MOB3B: variants seen among roughly 807,000 people sequenced by gnomAD.
MOB3B encodes MOB kinase activator 3B.
A neutral mutation model predicts 18.7 loss-of-function variants in MOB3B; 7 were observed. That is an observed-to-expected ratio of 0.37 (90% CI 0.21 to 0.70). The LOEUF (loss-of-function observed/expected upper bound fraction) is 0.70. MOB3B is among the 30% of genes least tolerant of loss of function. MOB3B has a pLI of 0.52. For missense variants in MOB3B, 253 were observed against 281.3 expected, an observed-to-expected ratio of 0.90 and a Z score of 0.72; for synonymous variants, 111 against 99.9, an observed-to-expected ratio of 1.11 and a Z score of -0.66.
intron 2 of MOB3B, among the ~76,000 whole-genome samples, chr9:27,424,048 C>A (rs971787665): frequency 9.9e-5 from 15 of 152,224 alleles, no homozygotes; most frequent in African/African-American, 3.1e-4. Context: ...TGCCCTTAGT[C>A]TCAAGGCAAT....
intron 1 of MOB3B, among the ~76,000 whole-genome samples, chr9:27,517,313 T>G (rs954127776): frequency 6.6e-6 from 1 of 152,172 alleles, no homozygotes; most frequent in African/African-American, 2.4e-5. Flanking sequence ...ATAACTATCA[T>G]TTATTGTCCA....
chr9:27,327,838 T>C lies in MOB3B; in HGVS notation c.*2749A>G, dbSNP rs1449016915. On this transcript the variant is annotated 3_prime_UTR_variant, in exon 4 of 4. Coordinates refer to ENST00000262244, the MANE Select transcript of MOB3B (RefSeq NM_024761.5). ...GCAGATTTATAGGACAATGCTCTTA[T>C]TAAAAGAAAGAATATGATGAAGTAT... The C allele has an allele frequency of 1.3e-5, 2 of 152,186 alleles. No individual in the cohort carries two copies. Among genetic ancestry groups the C allele is most frequent in the Non-Finnish European group, 2.9e-5 (2 of 68,032 alleles). 9.4% of individuals were successfully genotyped at this position (152,186 alleles called of 1,614,324 possible).
chr9:27,487,775 T>A (rs1485886005), intron 1 of MOB3B, among the ~76,000 whole-genome samples: 1 of 152,206 alleles, frequency 6.6e-6, no homozygotes, highest in East Asian at 1.9e-4. Flanking sequence ...AGATTCTTCA[T>A]GTACATCTTT....
chr9:27,506,177 G>A (rs1820056685), intron 1 of MOB3B, among the ~76,000 whole-genome samples: 1 of 152,164 alleles, frequency 6.6e-6, no homozygotes, highest in Non-Finnish European at 1.5e-5. Flanking sequence ...AAGTCTTGGA[G>A]GAACCACAGA....
chr9:27,332,490 T>A (rs1239033120), intron 3 of MOB3B, among the ~76,000 whole-genome samples: 1 of 152,238 alleles, frequency 6.6e-6, no homozygotes, highest in Non-Finnish European at 1.5e-5. Flanking sequence ...TAGCTATAGT[T>A]AAATATCTAT....
chr9:27,499,644 C>T (rs1055577899), intron 1 of MOB3B, among the ~76,000 whole-genome samples: 18 of 152,182 alleles, frequency 1.2e-4, no homozygotes, highest in African/African-American at 4.1e-4. Flanking sequence ...TCCACACTGC[C>T]ATTTCTCGTT....
chr9:27,507,866 T>G lies in MOB3B; in HGVS notation c.-199+21689A>C, dbSNP rs558907004. ...TGATCTCCTTTCATCTCTGAAGTGA[T>G]TCTTAGAAATCATTCATCCAGAAGG... On this transcript the variant is annotated intron_variant, in intron 1 of 3. Transcript: ENST00000262244. Among the ~76,000 whole-genome samples, 4 of 152,360 alleles carry G rather than the reference T, an allele frequency of 2.6e-5. No individual in the cohort carries two copies. The South Asian group carries it at 8.3e-4, about 32-fold the overall frequency.
At chr9:27,381,120 G>A (rs950643486) in intron 2 of MOB3B, among the ~76,000 whole-genome samples, 6 of 152,126 alleles carry the variant, frequency 3.9e-5, no homozygotes, top group Non-Finnish European at 7.4e-5. Context: ...AGGCATGGAG[G>A]TGCTGCTGAA....
Position 27,455,346 on chromosome 9 carries a change from TGAA to T in MOB3B, c.202_204del (p.Phe68del). On this transcript the variant is annotated inframe_deletion, in exon 2 of 4. Coordinates refer to ENST00000262244, the MANE Select transcript of MOB3B (RefSeq NM_024761.5). ...GTGCCATAGATGAGGTTGATCCGAT[TGAA>T]GAAGTCCACCACATGTACTGCCACC... 1 of 1,614,138 alleles carries T rather than the reference TGAA, an allele frequency of 6.2e-7. No individual in the cohort carries two copies. The highest frequency in any genetic ancestry group is 8.5e-7 in the Non-Finnish European group (1 of 1,180,016).
chr9:27,386,675 A>G (rs1821653708), intron 2 of MOB3B, among the ~76,000 whole-genome samples: 1 of 152,212 alleles, frequency 6.6e-6, no homozygotes, highest in Non-Finnish European at 1.5e-5. Context: ...ATGGCCCTTA[A>G]GGCTCAGTCT....
chr9:27,476,428 T>C lies in MOB3B; in HGVS notation c.-198-20680A>G, dbSNP rs927328754. Among the ~76,000 whole-genome samples, 54 of 152,202 alleles carry C rather than the reference T, an allele frequency of 3.5e-4. 1 individual carries two copies. Among genetic ancestry groups the C allele is most frequent in the Admixed American group, 3.5e-3 (54 of 15,282 alleles). On this transcript the variant is annotated intron_variant, in intron 1 of 3. Coordinates refer to ENST00000262244, the MANE Select transcript of MOB3B (RefSeq NM_024761.5). ...AGCACCTCAATCTCTACCTTCATCTTCACAAGTTATCCTTCCTGTGTGTAT... is the reference window on the plus strand; with the variant it reads ...AGCACCTCAATCTCTACCTTCATCTCCACAAGTTATCCTTCCTGTGTGTAT...
chr9:27,466,210 T>C (rs945503440), intron 1 of MOB3B, among the ~76,000 whole-genome samples: 66 of 152,316 alleles, frequency 4.3e-4, no homozygotes, highest in Middle Eastern at 3.4e-3. Flanking sequence ...CCAGTTACCC[T>C]AAATCATCTC....
At position 27,342,954 on chromosome 9, in the gene MOB3B, G is replaced by T. The variant is rs528506247; in HGVS notation, c.622-12338C>A. Among the ~76,000 whole-genome samples, 206 of 151,202 alleles carry T rather than the reference G, an allele frequency of 1.4e-3. 2 individuals are homozygous for T. Among genetic ancestry groups the T allele is most frequent in the African/African-American group, 4.6e-3 (189 of 40,654 alleles). Reference sequence around the variant, plus strand: ...CGTCTGGGAAGTGAGGAGCCCCTCTGCCCGGCCGCCACCCCGTCTGGGAGG... The same window carrying T: ...CGTCTGGGAAGTGAGGAGCCCCTCTTCCCGGCCGCCACCCCGTCTGGGAGG... On this transcript the variant is annotated intron_variant, in intron 3 of 3. Transcript: ENST00000262244.
chr9:27,338,950 A>C (rs1820902477), intron 3 of MOB3B, among the ~76,000 whole-genome samples: 1 of 152,164 alleles, frequency 6.6e-6, no homozygotes. Flanking sequence ...CCTCAGTTGC[A>C]TCCTTGGTGC....
At chr9:27,504,950 C>T (rs1382610204) in intron 1 of MOB3B, among the ~76,000 whole-genome samples, 1 of 152,096 alleles carries the variant, frequency 6.6e-6, no homozygotes, top group African/African-American at 2.4e-5. Flanking sequence ...TCACTCTGAC[C>T]TCTGCTTCTG....
chr9:27,489,741 C>CTTTTTTTTTTTTTTTTTTTTT lies in MOB3B; in HGVS notation c.-198-33994_-198-33993insAAAAAAAAAAAAAAAAAAAAA, dbSNP rs66757462. Among the ~76,000 whole-genome samples, 73 of 73,142 alleles carry CTTTTTTTTTTTTTTTTTTTTT rather than the reference C, an allele frequency of 1.0e-3. 15 individuals carry two copies. The highest frequency in any genetic ancestry group is 1.2e-3 in the Non-Finnish European group (48 of 38,976). The allele number at this position is 73,142 out of a possible 152,430, so 48.0% of individuals were successfully genotyped here. On this transcript the variant is annotated intron_variant, in intron 1 of 3. Coordinates refer to ENST00000262244, the MANE Select transcript of MOB3B (RefSeq NM_024761.5). The stretch of plus-strand genomic sequence containing the variant: ...ACATCACACCAGATAAGGAAATAAT[C>CTTTTTTTTTTTTTTTTTTTTT]TTTTTTTTTTTTTGGTCCAACAGGG...
chr9:27,515,989 G>T (rs537177974), intron 1 of MOB3B, among the ~76,000 whole-genome samples: 1 of 152,190 alleles, frequency 6.6e-6, no homozygotes, highest in African/African-American at 2.4e-5. Context: ...TGATAAGAAG[G>T]CCATTGAAGG....
intron 1 of MOB3B, among the ~76,000 whole-genome samples, chr9:27,486,249 A>G (rs559936324): frequency 1.3e-5 from 2 of 152,366 alleles, no homozygotes; most frequent in Non-Finnish European, 2.9e-5. Flanking sequence ...GTCAAAGAGT[A>G]TGAAGAACTT....
chr9:27,519,385 C>G (rs919432398), intron 1 of MOB3B, among the ~76,000 whole-genome samples: 1 of 152,158 alleles, frequency 6.6e-6, no homozygotes, highest in African/African-American at 2.4e-5. Flanking sequence ...ATCCTATATA[C>G]AGTCACACAG....
Sources: allele counts gnomAD v4.1 joint callset (sites outside exome capture counted in the v4.1 genomes callset), GRCh38; gene constraint gnomAD v4.1.1; transcripts MANE v1.5; gene names NCBI Gene and HGNC (gene_info 2026-07-23, HGNC 2026-07-21).